The following KIF18A variants were observed in gnomAD, a reference collection of about 807,000 sequenced individuals.
KIF18A encodes kinesin-like protein KIF18A.
Under a neutral mutation model 103.3 loss-of-function variants are expected in KIF18A, and 67 were observed. The observed-to-expected ratio is 0.65, with a 90% CI of 0.53 to 0.79. The LOEUF is 0.79. Ranked by LOEUF, KIF18A falls within the 30% of genes least tolerant of loss-of-function variation. The probability of loss-of-function intolerance (pLI) is 0.00; values close to 1 mark genes in which losing one functional copy is unlikely to be tolerated. For synonymous variants in KIF18A, 367 were observed against 355.5 expected (o/e 1.03, Z -0.36); for missense variants, 1,032 against 1,062.5 (o/e 0.97, Z 0.40).
chr11:28,099,711 T>C (rs192459220), intron 1 of KIF18A, among the ~76,000 whole-genome samples: 1 of 152,110 alleles, frequency 6.6e-6, no homozygotes, highest in East Asian at 1.9e-4. Flanking sequence ...CTTTTCCCCA[T>C]AGAGAGAAGG....
chr11:28,090,101 T>C (rs1010570898), intron 5 of KIF18A, among the ~76,000 whole-genome samples: 6 of 152,128 alleles, frequency 3.9e-5, no homozygotes, highest in African/African-American at 1.4e-4. Context: ...ATCATTTGGG[T>C]ATTAAAAGGA....
intron 11 of KIF18A, among the ~76,000 whole-genome samples, chr11:28,064,598 T>G (rs1211763928): frequency 6.6e-6 from 1 of 151,994 alleles, no homozygotes; most frequent in Non-Finnish European, 1.5e-5. Context: ...ACTTAAAGTA[T>G]AAAGAAAAAA....
chr11:28,056,239 C>G (rs1309154686), intron 13 of KIF18A, among the ~76,000 whole-genome samples: 1 of 148,686 alleles, frequency 6.7e-6, no homozygotes, highest in East Asian at 2.0e-4. Flanking sequence ...TATAATTATA[C>G]CCTTTGTGCT....
intron 13 of KIF18A, among the ~76,000 whole-genome samples, chr11:28,046,256 T>C (rs1179278741): frequency 5.3e-5 from 8 of 150,900 alleles, no homozygotes; most frequent in African/African-American, 1.9e-4. Context: ...CGTATGTTTA[T>C]TGCGGCACTA....
intron 13 of KIF18A, among the ~76,000 whole-genome samples, chr11:28,044,171 C>T (rs990692053): frequency 2.6e-5 from 4 of 152,024 alleles, no homozygotes; most frequent in Non-Finnish European, 4.4e-5. Flanking sequence ...TGAAGTTTTA[C>T]TCTCTGGATA....
At chr11:28,091,149 A>AATACATACATAC (rs370389493) in intron 4 of KIF18A, among the ~76,000 whole-genome samples, 47 of 131,986 alleles carry the variant, frequency 3.6e-4, no homozygotes, top group African/African-American at 1.2e-3. Context: ...TAAATAAATA[A>AATACATACATAC]ATACATACAT....
Position 28,069,339 on chromosome 11 carries a change from G to A in KIF18A, c.1510C>T (p.Gln504Ter). The stretch of plus-strand genomic sequence containing the variant: ...AGCCAATTAGTATTCTCATCAAATT[G>A]CTTCAATTCCTCCTCCCTCCTTTTC... ...LEKRREEELK[Q>*]FDENTNWLHR... The change falls in exon 11 of 17, where the codon CAA (glutamine) becomes TAA (stop). Residue 504 changes from glutamine to a stop codon, truncating the protein, a stop_gained. Coordinates refer to ENST00000263181, the MANE Select transcript of KIF18A (RefSeq NM_031217.4). LOFTEE classifies it high-confidence loss of function. 6.2e-7 allele frequency: 1 copy of A among 1,613,448 alleles called. No individual in the cohort carries two copies. The highest frequency in any genetic ancestry group is 1.3e-5 in the African/African-American group (1 of 74,992).
chr11:28,099,827 CTGAG>C (rs1851422783), intron 1 of KIF18A, among the ~76,000 whole-genome samples: 1 of 152,072 alleles, frequency 6.6e-6, no homozygotes, highest in Non-Finnish European at 1.5e-5. Flanking sequence ...GGCTTGTACT[CTGAG>C]TAAGACAAAG....
intron 13 of KIF18A, among the ~76,000 whole-genome samples, chr11:28,050,762 C>T (rs966790099): frequency 1.3e-5 from 2 of 151,782 alleles, no homozygotes; most frequent in African/African-American, 4.8e-5. Flanking sequence ...TTGCACTACA[C>T]TTAGTGAGTG....
intron 9 of KIF18A, among the ~76,000 whole-genome samples, chr11:28,078,356 A>G (rs949683490): frequency 6.6e-6 from 1 of 152,174 alleles, no homozygotes; most frequent in Non-Finnish European, 1.5e-5. Context: ...AAATGAATTG[A>G]TAAGTTATCT....
At chr11:28,032,928 C>A (rs554180412) in intron 15 of KIF18A, among the ~76,000 whole-genome samples, 35 of 151,814 alleles carry the variant, frequency 2.3e-4, no homozygotes, top group Middle Eastern at 3.4e-3. Flanking sequence ...GAAGAGACAA[C>A]CCACAGAATT....
chr11:28,098,010 A>C lies in KIF18A; in HGVS notation c.-46-17T>G. The C allele has an allele frequency of 2.3e-6, 3 of 1,278,994 alleles. No homozygotes were observed. The highest frequency in any genetic ancestry group is 3.2e-6 in the Non-Finnish European group (3 of 931,480). The allele number at this position is 1,278,994 out of a possible 1,614,324, so 79.2% of individuals were successfully genotyped here. ...AATACTTCTCTGAAATTAAAAAAGA[A>C]AATAAAGTTTTAATATCAGTTTTTA... On this transcript the variant is annotated splice_polypyrimidine_tract_variant and intron_variant, in intron 1 of 16. Coordinates refer to ENST00000263181, the MANE Select transcript of KIF18A (RefSeq NM_031217.4).
chr11:28,060,376 C>T lies in KIF18A; in HGVS notation c.1713-1215G>A, dbSNP rs531438420. ...GACTAATCGGGCATTCACTTTCATACACAAAGAAATACCACCTTTTAACCT... is the reference window on the plus strand; with the variant it reads ...GACTAATCGGGCATTCACTTTCATATACAAAGAAATACCACCTTTTAACCT... On this transcript the variant is annotated intron_variant, in intron 12 of 16. Coordinates refer to ENST00000263181, the MANE Select transcript of KIF18A (RefSeq NM_031217.4). Among the ~76,000 whole-genome samples the T allele has an allele frequency of 2.0e-5, 3 of 152,212 alleles. No individual in the cohort carries two copies. The South Asian group carries it at 6.2e-4, about 32-fold the overall frequency.
intron 2 of KIF18A, 75 bp from the exon 3 acceptor site, chr11:28,094,875 G>T: frequency 1.5e-6 from 2 of 1,314,146 alleles, no homozygotes; most frequent in Non-Finnish European, 2.2e-6. Context: ...CTAGTGGATA[G>T]TTCCATCTGG....
chr11:28,040,218 G>C (rs1187199592), intron 13 of KIF18A, among the ~76,000 whole-genome samples: 1 of 151,664 alleles, frequency 6.6e-6, no homozygotes, highest in Admixed American at 6.6e-5. Context: ...CTTTATGTGG[G>C]TATGGCAAGT....
At position 28,102,465 on chromosome 11, in the gene KIF18A, A is replaced by C. The variant is rs976604490; in HGVS notation, c.-46-4472T>G. The stretch of plus-strand genomic sequence containing the variant: ...TCTCATGCCTCTCTAAAATATAAAA[A>C]ACCACGCTGTACACTGACCACTTTG... On this transcript the variant is annotated intron_variant, in intron 1 of 16. Coordinates refer to ENST00000263181, the MANE Select transcript of KIF18A (RefSeq NM_031217.4). Among the ~76,000 whole-genome samples the C allele has an allele frequency of 3.3e-5, 5 of 152,168 alleles. No individual in the cohort carries two copies. In the East Asian group the frequency reaches 9.6e-4, roughly 29 times the overall value.
chr11:28,031,662 G>A lies in KIF18A; in HGVS notation c.2504+3725C>T, dbSNP rs111973043. Reference sequence around the variant, plus strand: ...AACCTGCACGTTATGCACATGTACCGTGGAACTTAAAGCATAAAAAAAAAA... The same window carrying A: ...AACCTGCACGTTATGCACATGTACCATGGAACTTAAAGCATAAAAAAAAAA... On this transcript the variant is annotated intron_variant, in intron 15 of 16. Transcript: ENST00000263181. Among the ~76,000 whole-genome samples the A allele has an allele frequency of 1.1e-3, 160 of 150,512 alleles. 1 individual carries two copies. Among genetic ancestry groups the A allele is most frequent in the African/African-American group, 3.6e-3 (146 of 41,094 alleles).
chr11:28,083,274 TAG>T (rs774194561), intron 7 of KIF18A, 31 bp from the exon 8 acceptor site: 25 of 1,533,608 alleles, frequency 1.6e-5, no homozygotes, highest in Non-Finnish European at 1.9e-5. Flanking sequence ...TGATTGTTTA[TAG>T]AGAGATAATA....
At position 28,097,628 on chromosome 11, in the gene KIF18A, C is replaced by T. The variant is rs778814516; in HGVS notation, c.320G>A (p.Cys107Tyr). 6.3e-7 allele frequency: 1 copy of T among 1,582,582 alleles called. No individual in the cohort carries two copies. Among genetic ancestry groups the T allele is most frequent in the Non-Finnish European group, 8.7e-7 (1 of 1,151,702 alleles). The stretch of plus-strand genomic sequence containing the variant: ...TCCCAAATTGAAACAAATACCTGTG[C>T]AATTATATCCATTCAAAAAACTACG... Reference protein sequence around the residue: ...ILRSFLNGYNCTVLAYGATGA... With the variant: ...ILRSFLNGYNYTVLAYGATGA... Residue 107 changes from cysteine (C) to tyrosine (Y), a missense_variant, in exon 2 of 17, where the codon TGC becomes TAC. Cys to Tyr is a radical substitution (Grantham distance 194, BLOSUM62 -2). Transcript: ENST00000263181.
Sources: gnomAD v4.1 joint callset for allele counts (sites outside exome capture counted in the v4.1 genomes callset) on GRCh38, gnomAD v4.1.1 for gene constraint, MANE v1.5 for transcripts, NCBI Gene and HGNC (gene_info 2026-07-23, HGNC 2026-07-21) for gene names.